Variants in WWC2 observed in about 807,000 individuals in gnomAD.
The protein encoded by WWC2 is protein WWC2.
Under a neutral mutation model 138.5 loss-of-function variants are expected in WWC2, and 101 were observed. That is an observed-to-expected ratio of 0.73 (90% CI 0.62 to 0.86). The LOEUF (loss-of-function observed/expected upper bound fraction) is 0.86. Ranked by LOEUF, WWC2 falls within the 40% of genes least tolerant of loss-of-function variation. The pLI, the probability that WWC2 is intolerant of heterozygous loss-of-function variation, is 0.00. For missense variants in WWC2, 1,420 were observed against 1,419.4 expected (o/e 1.00, Z -0.01); for synonymous variants, 558 against 538.4 (o/e 1.04, Z -0.50).
intron 21 of WWC2, among the ~76,000 whole-genome samples, chr4:183,304,047 G>A (rs1397102643): frequency 6.6e-6 from 1 of 152,008 alleles, no homozygotes; most frequent in Admixed American, 6.5e-5. Flanking sequence ...AAAGCTACAG[G>A]CTTCTGGTTT....
chr4:183,278,005 G>T (rs1420030328), intron 16 of WWC2, among the ~76,000 whole-genome samples: 2 of 151,818 alleles, frequency 1.3e-5, no homozygotes, highest in East Asian at 1.9e-4. Context: ...GTCAATTTTG[G>T]CTTTTGTTGC....
intron 1 of WWC2, among the ~76,000 whole-genome samples, chr4:183,189,460 C>G (rs745856290): frequency 6.6e-6 from 1 of 150,968 alleles, no homozygotes; most frequent in South Asian, 2.1e-4. Flanking sequence ...AAAGTTATTT[C>G]GAGGGAACTA....
intron 21 of WWC2, among the ~76,000 whole-genome samples, chr4:183,290,415 G>A (rs1738410427): frequency 6.6e-6 from 1 of 151,726 alleles, no homozygotes; most frequent in Admixed American, 6.6e-5. Context: ...CTATTCGGGA[G>A]ACTGAGGCAG....
At chr4:183,219,585 T>G (rs1296649466) in intron 4 of WWC2, among the ~76,000 whole-genome samples, 3 of 152,182 alleles carry the variant, frequency 2.0e-5, no homozygotes, top group Non-Finnish European at 4.4e-5. Context: ...GGTTGTGAGG[T>G]TTATAAAATA....
chr4:183,248,661 G>T, intron 6 of WWC2, 53 bp from the exon 7 acceptor site: 1 of 1,490,674 alleles, frequency 6.7e-7, no homozygotes, highest in Non-Finnish European at 9.1e-7. Flanking sequence ...GGTAGGGAAG[G>T]TTTGCTGTCT....
chr4:183,266,237 A>G (rs1737499471), intron 14 of WWC2, among the ~76,000 whole-genome samples: 1 of 152,194 alleles, frequency 6.6e-6, no homozygotes, highest in South Asian at 2.1e-4. Flanking sequence ...ATTTGATTGA[A>G]ATATGGGTAA....
chr4:183,186,285 A>G (rs1034923069), intron 1 of WWC2, among the ~76,000 whole-genome samples: 7 of 152,296 alleles, frequency 4.6e-5, no homozygotes, highest in South Asian at 2.1e-4. Flanking sequence ...TGCAGATACT[A>G]TATCTGGATC....
chr4:183,208,613 A>G (rs1045152649), intron 3 of WWC2, among the ~76,000 whole-genome samples: 5 of 152,212 alleles, frequency 3.3e-5, no homozygotes, highest in African/African-American at 9.7e-5. Context: ...AGCTGTGATG[A>G]GCTCAGAAGT....
At chr4:183,230,495 G>T (rs1423200466) in intron 4 of WWC2, among the ~76,000 whole-genome samples, 1 of 152,200 alleles carries the variant, frequency 6.6e-6, no homozygotes, top group East Asian at 1.9e-4. Flanking sequence ...TGACCAATAT[G>T]GTGAAACCCC....
chr4:183,289,317 G>A (rs937693274), intron 20 of WWC2, 76 bp from the exon 21 acceptor site: 37 of 1,531,924 alleles, frequency 2.4e-5, no homozygotes, highest in Admixed American at 7.9e-5. Context: ...TCCATCATGC[G>A]CCAGGAAGGA....
chr4:183,179,507 T>C (rs1477730018), intron 1 of WWC2, among the ~76,000 whole-genome samples: 2 of 151,784 alleles, frequency 1.3e-5, no homozygotes, highest in African/African-American at 2.4e-5. Context: ...GAGGTGGTGG[T>C]GGAGGAAAAA....
intron 1 of WWC2, among the ~76,000 whole-genome samples, chr4:183,162,246 T>C (rs1733982628): frequency 6.6e-6 from 1 of 152,200 alleles, no homozygotes; most frequent in African/African-American, 2.4e-5. Context: ...ATGTTTCAAA[T>C]TGCAGTATAC....
intron 1 of WWC2, among the ~76,000 whole-genome samples, chr4:183,102,593 C>T (rs995850556): frequency 6.6e-5 from 10 of 152,168 alleles, no homozygotes; most frequent in East Asian, 1.9e-4. Context: ...ATTGTCTCGA[C>T]GCTTGCGCAT....
intron 1 of WWC2, among the ~76,000 whole-genome samples, chr4:183,102,778 AC>A (rs1235062529): frequency 4.1e-5 from 6 of 147,092 alleles, no homozygotes; most frequent in Non-Finnish European, 7.4e-5. Context: ...TTGTAGGTTT[AC>A]CCCCTCTTCT....
intron 16 of WWC2, 44 bp downstream of exon 16, chr4:183,271,285 A>G (rs1737687875): frequency 1.3e-6 from 2 of 1,482,340 alleles, no homozygotes; most frequent in Non-Finnish European, 1.8e-6. Context: ...TGTGAAATAC[A>G]TATATGAAAT....
At chr4:183,156,246 G>A (rs1463629308) in intron 1 of WWC2, among the ~76,000 whole-genome samples, 1 of 151,748 alleles carries the variant, frequency 6.6e-6, no homozygotes, top group East Asian at 1.9e-4. Flanking sequence ...GGTTGGTCTC[G>A]AACTCTTGAC....
At chr4:183,266,003 A>G (rs1737493253) in intron 14 of WWC2, 52 bp downstream of exon 14, 1 of 1,497,322 alleles carries the variant, frequency 6.7e-7, no homozygotes, top group South Asian at 1.2e-5. Flanking sequence ...TTTCCATGTA[A>G]GAGAATTTTA....
At position 183,121,089 on chromosome 4, in the gene WWC2, G is replaced by A. The variant is rs781138212; in HGVS notation, c.131+21467G>A. Among the ~76,000 whole-genome samples, 8 of 152,056 alleles carry A rather than the reference G, an allele frequency of 5.3e-5. No homozygotes were observed. The South Asian group carries it at 8.3e-4, about 16-fold the overall frequency. ...AAAAGTTAGCCAGGCATGGCGGTGC[G>A]CACCTGTAGTCCCAGCTACTTGGGA... On this transcript the variant is annotated intron_variant, in intron 1 of 22. Coordinates refer to ENST00000403733, the MANE Select transcript of WWC2 (RefSeq NM_024949.6).
intron 1 of WWC2, among the ~76,000 whole-genome samples, chr4:183,134,814 CTAT>C (rs1733057629): frequency 6.6e-6 from 1 of 152,020 alleles, no homozygotes; most frequent in South Asian, 2.1e-4. Flanking sequence ...TCTATTGTTT[CTAT>C]TATTAATATA....
Sources: allele counts gnomAD v4.1 joint callset (sites outside exome capture counted in the v4.1 genomes callset), GRCh38; gene constraint gnomAD v4.1.1; transcripts MANE v1.5; gene names NCBI Gene and HGNC (gene_info 2026-07-23, HGNC 2026-07-21).